The following ADAM20 variants were observed in gnomAD, a reference collection of about 807,000 sequenced individuals.
ADAM20 encodes ADAM metallopeptidase domain 20.
For synonymous variants in ADAM20, 305 were observed against 310.2 expected (o/e 0.98, Z 0.18); for missense variants, 871 against 883.2 (o/e 0.99, Z 0.18).
At chr14:70,531,014 T>C (rs968886401) in intron 1 of ADAM20, among the ~76,000 whole-genome samples, 18 of 151,534 alleles carry the variant, frequency 1.2e-4, no homozygotes, top group African/African-American at 3.4e-4. Flanking sequence ...ATAAACAAAA[T>C]AGAGAATAGA....
At chr14:70,576,430 A>AT in the ADAM20 span, among the ~76,000 whole-genome samples, 2 of 152,094 alleles carry the variant, frequency 1.3e-5, no homozygotes, top group Admixed American at 6.6e-5. Flanking sequence ...AGCTGATAAA[A>AT]TTTTTTTTAA....
the ADAM20 span, among the ~76,000 whole-genome samples, chr14:70,574,871 C>G: frequency 2.0e-4 from 30 of 151,882 alleles, no homozygotes; most frequent in African/African-American, 7.2e-4. Context: ...ATAAGAAAAT[C>G]CTGCCATTTG....
the ADAM20 span, among the ~76,000 whole-genome samples, chr14:70,562,213 G>T: frequency 2.0e-5 from 3 of 152,352 alleles, no homozygotes; most frequent in East Asian, 1.9e-4. Context: ...TGTCAAAAGA[G>T]ATTATTTTGG....
the ADAM20 span, among the ~76,000 whole-genome samples, chr14:70,572,060 A>G: frequency 1.3e-5 from 2 of 152,222 alleles, no homozygotes; most frequent in Non-Finnish European, 2.9e-5. Flanking sequence ...CTGCCAAAAG[A>G]TATCTACAGA....
At chr14:70,576,480 C>T in the ADAM20 span, among the ~76,000 whole-genome samples, 1 of 152,108 alleles carries the variant, frequency 6.6e-6, no homozygotes, top group South Asian at 2.1e-4. Context: ...ACAACTAAAA[C>T]TCTTCTATCC....
chr14:70,533,640 A>G (rs932872780), intron 1 of ADAM20, among the ~76,000 whole-genome samples: 7 of 151,988 alleles, frequency 4.6e-5, no homozygotes, highest in Non-Finnish European at 1.0e-4. Context: ...TAGGGCAAAT[A>G]CCTAATGCAT....
chr14:70,554,674 G>C, the ADAM20 span, among the ~76,000 whole-genome samples: 4 of 152,174 alleles, frequency 2.6e-5, no homozygotes, highest in African/African-American at 9.7e-5. Context: ...AATACTGCTT[G>C]ATCTCTTATA....
At chr14:70,556,403 G>A in the ADAM20 span, 33 of 152,448 alleles carry the variant, frequency 2.2e-4, no homozygotes, top group African/African-American at 8.0e-4. Flanking sequence ...CTTTGTCCAA[G>A]ATGACTGCTA....
the ADAM20 span, among the ~76,000 whole-genome samples, chr14:70,574,937 A>C: frequency 2.6e-5 from 4 of 152,154 alleles, 1 homozygote; most frequent in East Asian, 7.7e-4. Flanking sequence ...GCCAATCACA[A>C]ACACACACAA....
chr14:70,553,705 A>G, the ADAM20 span, among the ~76,000 whole-genome samples: 1 of 152,024 alleles, frequency 6.6e-6, no homozygotes, highest in Admixed American at 6.5e-5. Context: ...GATCATTTCA[A>G]CTGATGCTGA....
chr14:70,528,276 G>T (rs185641986), intron 1 of ADAM20, among the ~76,000 whole-genome samples: 1 of 152,144 alleles, frequency 6.6e-6, no homozygotes, highest in Non-Finnish European at 1.5e-5. Flanking sequence ...CGCAGTGGGC[G>T]GGGGAGTTTG....
rs755936744 is a variant in ADAM20 at position 70,524,286 on chromosome 14, C to A, written c.472G>T (p.Val158Leu). 1 of 1,614,016 alleles carries A rather than the reference C, an allele frequency of 6.2e-7. No homozygotes were observed. Among genetic ancestry groups the A allele is most frequent in the South Asian group, 1.1e-5 (1 of 91,086 alleles). ...GTATCATCACTGTCTATCTTATATA[C>A]TAGGTGTTCAAATGTGGCAGAAACA... ...ISVSATFEHL[V>L]YKIDSDDTQF... Residue 158 changes from valine (V) to leucine (L), a missense_variant, in exon 2 of 2, where the codon GTA becomes TTA. Transcript: ENST00000256389.
chr14:70,558,716 G>A, the ADAM20 span, among the ~76,000 whole-genome samples: 1 of 152,136 alleles, frequency 6.6e-6, no homozygotes, highest in African/African-American at 2.4e-5. Context: ...TAAAAGTGGG[G>A]AGGCAGAATA....
the ADAM20 span, among the ~76,000 whole-genome samples, chr14:70,573,773 CTG>C: frequency 6.6e-6 from 1 of 152,168 alleles, no homozygotes; most frequent in Non-Finnish European, 1.5e-5. Context: ...ACATCAAAAA[CTG>C]TCACAAGACA....
the ADAM20 span, among the ~76,000 whole-genome samples, chr14:70,578,831 T>C: frequency 6.6e-6 from 1 of 152,070 alleles, no homozygotes; most frequent in East Asian, 1.9e-4. Context: ...TTTTCAACGC[T>C]TGCCCCCCTC....
At chr14:70,553,525 T>TAAA in the ADAM20 span, among the ~76,000 whole-genome samples, 758 of 56,912 alleles carry the variant, frequency 0.013, 9 homozygotes, top group African/African-American at 0.05. Context: ...GCAAAAATCC[T>TAAA]AAAAAAAAAA....
chr14:70,532,561 A>G (rs539041933), intron 1 of ADAM20, among the ~76,000 whole-genome samples: 1 of 152,336 alleles, frequency 6.6e-6, no homozygotes, highest in East Asian at 1.9e-4. Flanking sequence ...TATTTAAATT[A>G]CCATCCAATG....
chr14:70,555,272 A>G, the ADAM20 span, among the ~76,000 whole-genome samples: 33 of 152,208 alleles, frequency 2.2e-4, no homozygotes, highest in Non-Finnish European at 4.0e-4. Context: ...TCGCACCACA[A>G]AAAAAAGAAA....
chr14:70,558,517 A>G, the ADAM20 span, among the ~76,000 whole-genome samples: 1 of 152,014 alleles, frequency 6.6e-6, no homozygotes, highest in Non-Finnish European at 1.5e-5. Flanking sequence ...TGCCAAGTAC[A>G]GTGTTCAGAG....
Sources: gnomAD v4.1 joint callset for allele counts (sites outside exome capture counted in the v4.1 genomes callset) on GRCh38, gnomAD v4.1.1 for gene constraint, MANE v1.5 for transcripts, NCBI Gene and HGNC (gene_info 2026-07-23, HGNC 2026-07-21) for gene names.